Variants in AFG1L observed in about 807,000 individuals in gnomAD.
AFG1L encodes the protein AFG1 like ATPase, also known as AFG1-like ATPase.
Under a neutral mutation model 62.2 loss-of-function variants are expected in AFG1L, and 53 were observed. The ratio of observed to expected loss-of-function variants is 0.85; its 90% confidence interval spans 0.68 to 1.07. The LOEUF (loss-of-function observed/expected upper bound fraction) is 1.07. AFG1L is among the 50% of genes least tolerant of loss of function. AFG1L has a pLI of 0.00. For synonymous variants in AFG1L, 228 were observed against 210.3 expected, an observed-to-expected ratio of 1.08 and a Z score of -0.73; for missense variants, 555 against 590.5, an observed-to-expected ratio of 0.94 and a Z score of 0.62.
intron 7 of AFG1L, among the ~76,000 whole-genome samples, chr6:108,436,671 A>G (rs1771325609): frequency 6.6e-6 from 1 of 152,176 alleles, no homozygotes; most frequent in African/African-American, 2.4e-5. Flanking sequence ...TGAGCATATC[A>G]TGGGCTGTGA....
chr6:108,417,973 A>G (rs937838454), intron 7 of AFG1L, among the ~76,000 whole-genome samples: 2 of 152,094 alleles, frequency 1.3e-5, no homozygotes. Flanking sequence ...AGCTGGGACT[A>G]CAGGTGCCTG....
At chr6:108,298,032 C>T (rs1241945376) in intron 1 of AFG1L, among the ~76,000 whole-genome samples, 1 of 151,984 alleles carries the variant, frequency 6.6e-6, no homozygotes, top group Non-Finnish European at 1.5e-5. Context: ...TCATAAAACT[C>T]TATAAAAATT....
At chr6:108,437,165 G>A (rs1298935710) in intron 7 of AFG1L, among the ~76,000 whole-genome samples, 1 of 152,142 alleles carries the variant, frequency 6.6e-6, no homozygotes, top group Non-Finnish European at 1.5e-5. Flanking sequence ...CTGGAGATTA[G>A]GTTTCAACAT....
intron 6 of AFG1L, among the ~76,000 whole-genome samples, chr6:108,392,382 G>A (rs564692635): frequency 4.2e-4 from 64 of 152,160 alleles, no homozygotes; most frequent in South Asian, 1.2e-3. Context: ...AGTTATATAT[G>A]GAACATAAAT....
chr6:108,515,657 G>A (rs890110095), intron 11 of AFG1L, among the ~76,000 whole-genome samples: 1 of 152,152 alleles, frequency 6.6e-6, no homozygotes, highest in Non-Finnish European at 1.5e-5. Context: ...GATCAGAATA[G>A]AACGGAAGAA....
At chr6:108,322,114 C>T (rs1777835267) in intron 1 of AFG1L, among the ~76,000 whole-genome samples, 1 of 152,132 alleles carries the variant, frequency 6.6e-6, no homozygotes, top group Non-Finnish European at 1.5e-5. Flanking sequence ...TACTATGTTG[C>T]CCAGGCTGGT....
chr6:108,491,835 G>A (rs1027116983), intron 10 of AFG1L, among the ~76,000 whole-genome samples: 1 of 152,110 alleles, frequency 6.6e-6, no homozygotes, highest in African/African-American at 2.4e-5. Context: ...CCATGATTTG[G>A]AAAGCAGAAG....
At chr6:108,446,804 C>T (rs1374202439) in intron 7 of AFG1L, among the ~76,000 whole-genome samples, 2 of 152,052 alleles carry the variant, frequency 1.3e-5, no homozygotes, top group Non-Finnish European at 2.9e-5. Flanking sequence ...ATTGTCCACT[C>T]CCAGCTCTCT....
intron 10 of AFG1L, among the ~76,000 whole-genome samples, chr6:108,498,960 T>C (rs1023226485): frequency 2.6e-5 from 4 of 151,884 alleles, no homozygotes; most frequent in Non-Finnish European, 5.9e-5. Flanking sequence ...GGTGACAGAG[T>C]GAGACTCTAT....
rs552019358 is a variant in AFG1L, at chr6:108,362,774, A to G, written c.649-3459A>G. On this transcript the variant is annotated intron_variant, in intron 5 of 12. Transcript: ENST00000368977. ...AGCTATGCTATACATTTTCCTTAGT[A>G]TATAAAGTCTTGTATTATGTGTTTA... is the stretch of plus-strand genomic sequence containing the variant. 5.3e-5 allele frequency among the ~76,000 whole-genome samples: 8 copies of G among 152,326 alleles called. No individual in the cohort carries two copies. In the South Asian group the frequency reaches 1.7e-3, roughly 32 times the overall value.
At position 108,356,832 on chromosome 6, in the gene AFG1L, A is replaced by AT. The variant is rs1379659970; in HGVS notation, c.648+17dup. 5.0e-6 allele frequency: 8 copies of AT among 1,602,384 alleles called. No homozygotes were observed. Among genetic ancestry groups the AT allele is most frequent in the Non-Finnish European group, 6.8e-6 (8 of 1,175,108 alleles). On this transcript the variant is annotated intron_variant, in intron 5 of 12. Transcript: ENST00000368977. ...TTGATGAATTTCAGGTAAAGTAGAG[A>AT]TTTTTCATAGATATAGAATGGTATA...
At chr6:108,389,274 T>A (rs1271008377) in intron 6 of AFG1L, among the ~76,000 whole-genome samples, 3 of 152,216 alleles carry the variant, frequency 2.0e-5, no homozygotes, top group African/African-American at 7.2e-5. Context: ...TGTGTGTCTC[T>A]GCACGTGGGA....
At chr6:108,465,171 T>G (rs1448682686) in intron 8 of AFG1L, among the ~76,000 whole-genome samples, 1 of 152,200 alleles carries the variant, frequency 6.6e-6, no homozygotes, top group Non-Finnish European at 1.5e-5. Flanking sequence ...AACGGGATAT[T>G]TTCTTCTATG....
chr6:108,351,271 T>C (rs1213058389), intron 3 of AFG1L, among the ~76,000 whole-genome samples: 1 of 152,230 alleles, frequency 6.6e-6, no homozygotes, highest in African/African-American at 2.4e-5. Flanking sequence ...CATGTTAGGA[T>C]AGCTATGACA....
intron 8 of AFG1L, among the ~76,000 whole-genome samples, chr6:108,454,649 G>A (rs960238397): frequency 2.0e-5 from 3 of 152,054 alleles, no homozygotes; most frequent in Non-Finnish European, 2.9e-5. Flanking sequence ...CCTGAAGTCT[G>A]TTCTTTTTTA....
At chr6:108,418,891 G>A (rs1214233110) in intron 7 of AFG1L, among the ~76,000 whole-genome samples, 1 of 152,098 alleles carries the variant, frequency 6.6e-6, no homozygotes, top group African/African-American at 2.4e-5. Flanking sequence ...TAGTTTATTA[G>A]GTTACTTTCA....
At chr6:108,506,392 A>T (rs1046890439) in intron 10 of AFG1L, among the ~76,000 whole-genome samples, 2 of 152,152 alleles carry the variant, frequency 1.3e-5, no homozygotes, top group African/African-American at 4.8e-5. Context: ...TATCTTTTGT[A>T]GAGATGGGGT....
chr6:108,347,016 G>C lies in AFG1L; in HGVS notation c.392G>C (p.Gly131Ala). 1 of 1,613,278 alleles carries C rather than the reference G, an allele frequency of 6.2e-7. No homozygotes were observed. Among genetic ancestry groups the C allele is most frequent in the Non-Finnish European group, 8.5e-7 (1 of 1,179,494 alleles). The change falls in exon 3 of 13, where the codon GGC becomes GCC. Residue 131 changes from glycine (G) to alanine (A), a missense_variant. Transcript: ENST00000368977. ...TTTTCAAGGAGCAAACCTCCAAGGG[G>C]CCTGTATGTTTATGGAGATGTTGGT... Reference protein sequence around the residue: ...KLFSRSKPPRGLYVYGDVGTG... With the variant: ...KLFSRSKPPRALYVYGDVGTG...
intron 8 of AFG1L, among the ~76,000 whole-genome samples, chr6:108,456,086 G>A (rs1772241894): frequency 6.6e-6 from 1 of 151,954 alleles, no homozygotes; most frequent in Admixed American, 6.6e-5. Context: ...AGTTCTGTCT[G>A]GTTTTGCTTC....
Sources: gnomAD v4.1 joint callset for allele counts (sites outside exome capture counted in the v4.1 genomes callset) on GRCh38, gnomAD v4.1.1 for gene constraint, MANE v1.5 for transcripts, NCBI Gene and HGNC (gene_info 2026-07-23, HGNC 2026-07-21) for gene names.